The following CSNK2A1 variants were observed in gnomAD, a reference collection of about 807,000 sequenced individuals.
CSNK2A1 encodes the protein casein kinase 2 alpha 1.
In CSNK2A1, 10 loss-of-function variants were observed where a neutral mutation model predicts 62.9. The ratio of observed to expected loss-of-function variants is 0.16; its 90% CI spans 0.10 to 0.27. CSNK2A1 has a LOEUF of 0.27. Ranked by LOEUF, CSNK2A1 falls within the 10% of genes least tolerant of loss-of-function variation. CSNK2A1 has a pLI of 1.00. For synonymous variants in CSNK2A1, 124 were observed against 167.8 expected, an observed-to-expected ratio of 0.74 and a Z score of 2.02; for missense variants, 160 against 492.0, an observed-to-expected ratio of 0.33 and a Z score of 6.38.
chr20:517,229 C>A (rs1485225331), intron 2 of CSNK2A1, among the ~76,000 whole-genome samples: 1 of 152,190 alleles, frequency 6.6e-6, no homozygotes, highest in African/African-American at 2.4e-5. Flanking sequence ...GATTAGAAGG[C>A]CAACTTAATA....
In CSNK2A1 at chr20:478,136, A is replaced by C. The variant is rs944636270; in HGVS notation, c.*5825T>G. 1.3e-5 allele frequency: 2 copies of C among 152,342 alleles called. No individual in the cohort carries two copies. Among genetic ancestry groups the C allele is most frequent in the African/African-American group, 4.8e-5 (2 of 41,424 alleles). The allele number at this position is 152,342 out of a possible 1,614,324, so 9.4% of individuals were successfully genotyped here. A position where few individuals can be genotyped will look rare whatever the true frequency, so the allele number is the denominator to read the frequency against. Reference sequence around the variant, plus strand: ...TCTCAATCCCCAGTGTATAGCAAAGACCAGGCTCAGGGGCACTTACAAATG... The same window carrying C: ...TCTCAATCCCCAGTGTATAGCAAAGCCCAGGCTCAGGGGCACTTACAAATG... On this transcript the variant is annotated 3_prime_UTR_variant, in exon 14 of 14. Coordinates refer to ENST00000217244, the MANE Select transcript of CSNK2A1 (RefSeq NM_177559.3).
chr20:506,069 G>C (rs1464126054), intron 3 of CSNK2A1: 1 of 151,520 alleles, frequency 6.6e-6, no homozygotes, highest in Non-Finnish European at 1.5e-5. Context: ...GTAAAGACGG[G>C]GTTTCACCGT....
At chr20:510,848 T>C (rs1209225210) in intron 2 of CSNK2A1, among the ~76,000 whole-genome samples, 1 of 152,028 alleles carries the variant, frequency 6.6e-6, no homozygotes, top group South Asian at 2.1e-4. Flanking sequence ...TCCCAAGTAG[T>C]TGGGACCACA....
rs761701003 is a variant in CSNK2A1 at position 495,705 on chromosome 20, GC to G, written c.510+13del. ...TCATGTAGATAAATAACACTTGTCA[GC>G]CTATCACTTTACCTTTCTGTGCTCA... On this transcript the variant is annotated intron_variant, in intron 8 of 13. Coordinates refer to ENST00000217244, the MANE Select transcript of CSNK2A1 (RefSeq NM_177559.3). 50 of 1,609,808 alleles carry G rather than the reference GC, an allele frequency of 3.1e-5. No individual in the cohort carries two copies. Among genetic ancestry groups the G allele is most frequent in the Non-Finnish European group, 3.9e-5 (46 of 1,176,118 alleles).
At position 499,978 on chromosome 20, in the gene CSNK2A1, T is replaced by TG; in HGVS notation, c.214-45_214-44insC. The TG allele has an allele frequency of 8.0e-7, 1 of 1,252,572 alleles. No homozygotes were observed. The highest frequency in any genetic ancestry group is 1.1e-6 in the Non-Finnish European group (1 of 878,132). 77.6% of individuals were successfully genotyped at this position (1,252,572 alleles called of 1,614,324 possible). ...ATCAGCAAAAAAAAAAAAAAAAAAT[T>TG]TTTTCAGAGTATTTCAACACGTAGT... On this transcript the variant is annotated intron_variant, in intron 4 of 13. Transcript: ENST00000217244. The surrounding 1 kb of genome is among the most constrained non-coding windows in gnomAD (Gnocchi z 4.2).
chr20:524,351 C>T (rs181320982), intron 2 of CSNK2A1, among the ~76,000 whole-genome samples: 222 of 144,948 alleles, frequency 1.5e-3, no homozygotes, highest in Middle Eastern at 3.8e-3. Flanking sequence ...TTGAAACTCT[C>T]GAGAGGCGAA....
At chr20:538,136 G>A (rs2019374026) in intron 1 of CSNK2A1, among the ~76,000 whole-genome samples, 1 of 152,062 alleles carries the variant, frequency 6.6e-6, no homozygotes, top group Admixed American at 6.6e-5. Context: ...TTTTAGTAGA[G>A]ATGGGGTTTT....
intron 2 of CSNK2A1, among the ~76,000 whole-genome samples, chr20:520,992 G>T (rs1273248259): frequency 2.6e-5 from 4 of 152,060 alleles, no homozygotes; most frequent in Non-Finnish European, 5.9e-5. Context: ...GAAAAAAAAA[G>T]ATATAAATGT....
chr20:478,782 A>C lies in CSNK2A1; in HGVS notation c.*5179T>G. ...ATCTCTACCAAAAAAAAAAAAAAAA[A>C]AATTAGCCAAGCATGATGGCTCGTG... is the stretch of plus-strand genomic sequence containing the variant. On this transcript the variant is annotated 3_prime_UTR_variant, in exon 14 of 14. Transcript: ENST00000217244. The C allele has an allele frequency of 3.3e-6, 1 of 307,598 alleles. No individual in the cohort carries two copies. Among genetic ancestry groups the C allele is most frequent in the Non-Finnish European group, 6.4e-6 (1 of 157,160 alleles). The allele number at this position is 307,598 out of a possible 1,614,324, so 19.1% of individuals were successfully genotyped here. A position where few individuals can be genotyped will look rare whatever the true frequency, so the allele number is the denominator to read the frequency against.
At chr20:524,779 T>C (rs1470651404) in intron 2 of CSNK2A1, among the ~76,000 whole-genome samples, 2 of 150,514 alleles carry the variant, frequency 1.3e-5, no homozygotes, top group African/African-American at 2.4e-5. Flanking sequence ...GATGTATACA[T>C]GCACTGAAAC....
chr20:528,524 T>TC lies in CSNK2A1; in HGVS notation c.-226-476dup, dbSNP rs771974250. Among the ~76,000 whole-genome samples, 54 of 152,210 alleles carry TC rather than the reference T, an allele frequency of 3.5e-4. 1 individual carries two copies. Among genetic ancestry groups the TC allele is most frequent in the Admixed American group, 1.6e-3 (25 of 15,296 alleles). On this transcript the variant is annotated intron_variant, in intron 1 of 13. Coordinates refer to ENST00000217244, the MANE Select transcript of CSNK2A1 (RefSeq NM_177559.3). Reference sequence around the variant, plus strand: ...TTGACCTCCCAGGCTCAAGCAATCCTCCTCCTTCAGCTTCCTTAGTAGCTG... The same window carrying TC: ...TTGACCTCCCAGGCTCAAGCAATCCTCCCTCCTTCAGCTTCCTTAGTAGCTG...
At chr20:488,873 A>T (rs754970504) in intron 10 of CSNK2A1, 95 bp from the exon 11 acceptor site, 11 of 1,182,618 alleles carry the variant, frequency 9.3e-6, no homozygotes, top group Non-Finnish European at 1.3e-5. Context: ...ACGGGTCATC[A>T]TGTCTACAGG....
At chr20:513,352 G>A (rs1334908980) in intron 2 of CSNK2A1, among the ~76,000 whole-genome samples, 1 of 152,142 alleles carries the variant, frequency 6.6e-6, no homozygotes, top group African/African-American at 2.4e-5. Context: ...CAGACTGAAG[G>A]GAAGATGAAG....
At chr20:510,997 T>C (rs1036404762) in intron 2 of CSNK2A1, among the ~76,000 whole-genome samples, 4 of 152,186 alleles carry the variant, frequency 2.6e-5, no homozygotes, top group African/African-American at 4.8e-5. Context: ...ACTGTGATTA[T>C]AGGAGTGATC....
At chr20:508,190 G>A (rs372492629) in intron 3 of CSNK2A1, 216 of 353,652 alleles carry the variant, frequency 6.1e-4, no homozygotes, top group African/African-American at 3.6e-3. Context: ...TGTGGTGCAC[G>A]ACTGCATATA....
At chr20:500,017 G>T in intron 4 of CSNK2A1, 83 bp from the exon 5 acceptor site, 1 of 1,055,748 alleles carries the variant, frequency 9.5e-7, no homozygotes, top group Non-Finnish European at 1.4e-6. Context: ...ATACATAAAT[G>T]ATAAATGGCT....
rs907727482 is a variant in CSNK2A1, at chr20:490,335, C to CTTTTTTTTTT, written c.622-464_622-455dup. On this transcript the variant is annotated intron_variant, in intron 9 of 13. Coordinates refer to ENST00000217244, the MANE Select transcript of CSNK2A1 (RefSeq NM_177559.3). Reference sequence around the variant, plus strand: ...ACCCACCGTGCCTGGCTAGTTTTTTCTTTTTTTTTTTTTTTTAGTTTTTTT... The same window carrying CTTTTTTTTTT: ...ACCCACCGTGCCTGGCTAGTTTTTTCTTTTTTTTTTTTTTTTTTTTTTTTTTAGTTTTTTT... Among the ~76,000 whole-genome samples, 83 of 84,776 alleles carry CTTTTTTTTTT rather than the reference C, an allele frequency of 9.8e-4. 4 individuals are homozygous for CTTTTTTTTTT. Among genetic ancestry groups the CTTTTTTTTTT allele is most frequent in the South Asian group, 8.7e-3 (21 of 2,412 alleles). The allele number at this position is 84,776 out of a possible 152,430, so 55.6% of individuals were successfully genotyped here.
At chr20:511,759 G>A (rs2122580865) in intron 2 of CSNK2A1, among the ~76,000 whole-genome samples, 1 of 152,082 alleles carries the variant, frequency 6.6e-6, no homozygotes, top group South Asian at 2.1e-4. Flanking sequence ...TTTATCTGCT[G>A]ATGGACACTT....
intron 1 of CSNK2A1, among the ~76,000 whole-genome samples, chr20:536,975 A>G (rs2019346225): frequency 6.6e-6 from 1 of 152,132 alleles, no homozygotes; most frequent in Admixed American, 6.5e-5. Context: ...AAAATAATTT[A>G]CCCATTCATT....
Sources: gnomAD v4.1 joint callset for allele counts (sites outside exome capture counted in the v4.1 genomes callset) on GRCh38, gnomAD v4.1.1 for gene constraint, Gnocchi (gnomAD v3.1) non-coding constraint, MANE v1.5 for transcripts, NCBI Gene and HGNC (gene_info 2026-07-23, HGNC 2026-07-21) for gene names.